The following TPO variants were observed in gnomAD, a reference collection of about 807,000 sequenced individuals.
TPO encodes the protein thyroid peroxidase, also known as thyroid microsomal antigen.
In TPO, 78 loss-of-function variants were observed where a neutral mutation model predicts 96.9. That is an observed-to-expected ratio of 0.81 (90% CI 0.67 to 0.97). TPO has a LOEUF of 0.97. Among genes scored for constraint, TPO ranks in the 50% least tolerant of loss-of-function variants. The pLI is 0.00. For missense variants in TPO, 1,252 were observed against 1,274.8 expected (o/e 0.98, Z 0.27); for synonymous variants, 547 against 538.0 (o/e 1.02, Z -0.23).
intron 1 of TPO, among the ~76,000 whole-genome samples, chr2:1,375,346 C>T (rs913571899): frequency 1.1e-4 from 17 of 152,036 alleles, no homozygotes; most frequent in Admixed American, 9.8e-4. Flanking sequence ...CGAAGCAGAT[C>T]TCAGTCAATT....
chr2:1,531,155 T>G lies in TPO; in HGVS notation c.2619-9439T>G, dbSNP rs750131781. On this transcript the variant is annotated intron_variant, in intron 15 of 16. Transcript: ENST00000329066. ...CCAAAACCCCCCACTGTGTGCAACC[T>G]CCCCAAATCCCCCCCACTGTGAGCA... 4.8e-3 allele frequency among the ~76,000 whole-genome samples: 113 copies of G among 23,354 alleles called. 1 individual carries two copies. Among genetic ancestry groups the G allele is most frequent in the African/African-American group, 0.021 (105 of 5,040 alleles). 15.3% of individuals were successfully genotyped at this position (23,354 alleles called of 152,430 possible).
chr2:1,516,323 C>T (rs1674699702), intron 14 of TPO, among the ~76,000 whole-genome samples: 1 of 152,210 alleles, frequency 6.6e-6, no homozygotes, highest in Non-Finnish European at 1.5e-5. Flanking sequence ...GCTCCAAAAT[C>T]TGCTGCCATC....
intron 15 of TPO, among the ~76,000 whole-genome samples, chr2:1,524,203 C>T (rs1236817007): frequency 3.4e-5 from 5 of 147,494 alleles, no homozygotes; most frequent in Non-Finnish European, 7.4e-5. Flanking sequence ...TGTGTGCAAC[C>T]TCCTCAAATC....
intron 8 of TPO, 122 bp from the exon 9 acceptor site, chr2:1,484,474 A>C (rs28910608): frequency 7.8e-7 from 1 of 1,285,156 alleles, no homozygotes; most frequent in African/African-American, 1.5e-5. Context: ...GGCCCTTATT[A>C]CAAGACGAGA....
chr2:1,542,756 C>CG lies in TPO; in HGVS notation c.*282_*283insG. On this transcript the variant is annotated 3_prime_UTR_variant, in exon 17 of 17. Coordinates refer to ENST00000329066, the MANE Select transcript of TPO (RefSeq NM_001206744.2). The stretch of plus-strand genomic sequence containing the variant: ...ATCTTTATTTTGTGAACCCTGGAAA[C>CG]ACCACTCTTGCAATCCTCCTGTCTC... 1.2e-6 allele frequency: 1 copy of CG among 861,532 alleles called. No homozygotes were observed. Among genetic ancestry groups the CG allele is most frequent in the Non-Finnish European group, 1.7e-6 (1 of 578,698 alleles). 53.4% of individuals were successfully genotyped at this position (861,532 alleles called of 1,614,324 possible). A position where few individuals can be genotyped will look rare whatever the true frequency, so the allele number is the denominator to read the frequency against.
intron 1 of TPO, among the ~76,000 whole-genome samples, chr2:1,408,305 T>A (rs1442122136): frequency 6.6e-6 from 1 of 152,222 alleles, no homozygotes; most frequent in Non-Finnish European, 1.5e-5. Context: ...AGGTCACTAC[T>A]GGAATCAGCT....
intron 15 of TPO, among the ~76,000 whole-genome samples, chr2:1,524,123 A>C: frequency 8.9e-6 from 1 of 112,806 alleles, no homozygotes; most frequent in Non-Finnish European, 1.8e-5. Flanking sequence ...CAACCTCCCC[A>C]AATACCCCCA....
chr2:1,539,577 G>T lies in TPO; in HGVS notation c.2619-1017G>T, dbSNP rs191343929. ...GGTCGGAGTCCGCAAGGGTGGGGCGGTGACGGTGCACTGGACTTTGCTGGC... is the reference window on the plus strand; with the variant it reads ...GGTCGGAGTCCGCAAGGGTGGGGCGTTGACGGTGCACTGGACTTTGCTGGC... On this transcript the variant is annotated intron_variant, in intron 15 of 16. Transcript: ENST00000329066. 1.0e-3 allele frequency among the ~76,000 whole-genome samples: 158 copies of T among 152,312 alleles called. 1 individual carries two copies. Among genetic ancestry groups the T allele is most frequent in the Non-Finnish European group, 2.6e-4 (18 of 68,040 alleles).
chr2:1,389,668 C>T (rs1296314931), intron 1 of TPO, among the ~76,000 whole-genome samples: 1 of 152,096 alleles, frequency 6.6e-6, no homozygotes, highest in Non-Finnish European at 1.5e-5. Flanking sequence ...CGTTTCTGTC[C>T]CCAGAGCCAC....
intron 15 of TPO, among the ~76,000 whole-genome samples, chr2:1,525,866 ATGTGTGCAAACTCCTCAAATCCCAATAC>A (rs1676337687): frequency 1.2e-5 from 1 of 82,540 alleles, no homozygotes; most frequent in Non-Finnish European, 2.6e-5. Context: ...ATCCCCCACA[ATGTGTGCAAACTCCTCAAATCCCAATAC>A]TGTGTGCAAC....
intron 2 of TPO, among the ~76,000 whole-genome samples, chr2:1,422,357 G>GCGCCTCTCCTGGACCGACATTGTGCAGA (rs1663746055): frequency 1.8e-5 from 2 of 108,160 alleles, no homozygotes; most frequent in African/African-American, 7.1e-5. Context: ...CCTCGTGCAG[G>GCGCCTCTCCTGGACCGACATTGTGCAGA]CGCCGCGCTG....
At chr2:1,537,092 T>TGTGCAACCTCACCAAATCCCTG (rs142346289) in intron 15 of TPO, among the ~76,000 whole-genome samples, 1 of 31,010 alleles carries the variant, frequency 3.2e-5, no homozygotes, top group African/African-American at 2.6e-4. Flanking sequence ...ACCAAATCCG[T>TGTGCAACCTCACCAAATCCCTG]CCACTGTGTG....
At chr2:1,454,764 C>G (rs28909415) in intron 6 of TPO, among the ~76,000 whole-genome samples, 5,780 of 152,260 alleles carry the variant, frequency 0.038, 159 homozygotes, top group Middle Eastern at 0.13. Flanking sequence ...TTTTTAAACT[C>G]TCAGTATTAT....
chr2:1,476,828 AAGAG>A (rs1669979830), intron 7 of TPO, among the ~76,000 whole-genome samples: 4 of 150,166 alleles, frequency 2.7e-5, no homozygotes, highest in East Asian at 2.0e-4. Context: ...TCTTCCAGGC[AAGAG>A]ACCACCGGTG....
At chr2:1,484,308 C>T (rs1198190323) in intron 8 of TPO, among the ~76,000 whole-genome samples, 4 of 152,224 alleles carry the variant, frequency 2.6e-5, no homozygotes, top group Admixed American at 1.3e-4. Context: ...CAGCCTGGCC[C>T]GGTGGCCATT....
At chr2:1,381,018 T>G (rs1320918119) in intron 1 of TPO, among the ~76,000 whole-genome samples, 1 of 152,202 alleles carries the variant, frequency 6.6e-6, no homozygotes, top group African/African-American at 2.4e-5. Context: ...GCACATGTGC[T>G]GAACGTGCAG....
rs914320767 is a variant in TPO at position 1,543,479 on chromosome 2, G to C, written c.*1005G>C. The C allele has an allele frequency of 4.6e-5, 7 of 152,112 alleles. No individual in the cohort carries two copies. The highest frequency in any genetic ancestry group is 8.8e-5 in the Non-Finnish European group (6 of 68,020). The allele number at this position is 152,112 out of a possible 1,614,324, so 9.4% of individuals were successfully genotyped here. On this transcript the variant is annotated 3_prime_UTR_variant, in exon 17 of 17. Transcript: ENST00000329066. ...GGCACAGGAGGGCTATGAACATTTT[G>C]CTTCAGGATGTTTTATTTCGCTCTA...
chr2:1,514,087 G>A (rs1030128010), intron 14 of TPO, among the ~76,000 whole-genome samples: 1 of 152,180 alleles, frequency 6.6e-6, no homozygotes, highest in Admixed American at 6.5e-5. Context: ...AGGATCTGCT[G>A]TCTGCAAACT....
intron 15 of TPO, among the ~76,000 whole-genome samples, chr2:1,525,186 G>A (rs11686894): frequency 2.1e-5 from 1 of 46,744 alleles, no homozygotes; most frequent in African/African-American, 8.6e-5. Flanking sequence ...TGTGCAATCC[G>A]CCCAAGTCCC....
Sources: allele counts gnomAD v4.1 joint callset (sites outside exome capture counted in the v4.1 genomes callset), GRCh38; gene constraint gnomAD v4.1.1; transcripts MANE v1.5; gene names NCBI Gene and HGNC (gene_info 2026-07-23, HGNC 2026-07-21).